Variants in CPNE4 observed in about 807,000 individuals in gnomAD.
The protein encoded by CPNE4 is copine 4, also known as copine-4.
In CPNE4, 25 loss-of-function variants were observed where a neutral mutation model predicts 67.9. The observed-to-expected ratio is 0.37, with a 90% CI of 0.27 to 0.51. The LOEUF is 0.51. Among genes scored for constraint, CPNE4 ranks in the 20% least tolerant of loss-of-function variants. The pLI is 0.93. For synonymous variants in CPNE4, 242 were observed against 244.9 expected (o/e 0.99, Z 0.11); for missense variants, 464 against 690.8 (o/e 0.67, Z 3.68).
chr3:131,664,218 T>C (rs1001386426), intron 7 of CPNE4, among the ~76,000 whole-genome samples: 1 of 152,182 alleles, frequency 6.6e-6, no homozygotes, highest in Non-Finnish European at 1.5e-5. Flanking sequence ...CTAGGCATAA[T>C]TGGGTTATGA....
chr3:131,783,461 G>C (rs566517095), intron 2 of CPNE4, among the ~76,000 whole-genome samples: 2 of 152,216 alleles, frequency 1.3e-5, no homozygotes, highest in Admixed American at 1.3e-4. Flanking sequence ...TTTGACTTAG[G>C]TTAAAGTAGA....
At chr3:131,829,146 A>G (rs2085276956) in intron 2 of CPNE4, among the ~76,000 whole-genome samples, 2 of 152,160 alleles carry the variant, frequency 1.3e-5, no homozygotes, top group African/African-American at 4.8e-5. Context: ...CTCATTCACT[A>G]TCACAAGAAT....
chr3:131,843,539 G>A (rs1380510123), intron 2 of CPNE4, among the ~76,000 whole-genome samples: 2 of 152,198 alleles, frequency 1.3e-5, no homozygotes, highest in African/African-American at 2.4e-5. Context: ...ATGAAGTAAC[G>A]TGTGTTGACA....
intron 9 of CPNE4, among the ~76,000 whole-genome samples, chr3:131,579,772 A>G (rs1447837272): frequency 6.6e-6 from 1 of 152,228 alleles, no homozygotes; most frequent in Non-Finnish European, 1.5e-5. Context: ...CTGAATTGCC[A>G]CAACTGATAA....
chr3:131,923,764 C>G (rs1467129755), intron 1 of CPNE4, among the ~76,000 whole-genome samples: 2 of 139,392 alleles, frequency 1.4e-5, no homozygotes, highest in Non-Finnish European at 3.2e-5. Flanking sequence ...CCAACAGAAC[C>G]AAAGAGGGGT....
chr3:131,929,196 CAAAAAAA>C (rs57462900), intron 1 of CPNE4, among the ~76,000 whole-genome samples: 108 of 98,840 alleles, frequency 1.1e-3, no homozygotes, highest in African/African-American at 3.0e-3. Flanking sequence ...TTGTCCTCAC[CAAAAAAA>C]AAAAAAAAAA....
intron 2 of CPNE4, among the ~76,000 whole-genome samples, chr3:131,824,220 A>G (rs543476744): frequency 6.6e-6 from 1 of 151,940 alleles, no homozygotes; most frequent in Non-Finnish European, 1.5e-5. Flanking sequence ...CTGTGATTCC[A>G]TGATTCTATG....
At chr3:131,788,347 A>G (rs2083621075) in intron 2 of CPNE4, among the ~76,000 whole-genome samples, 1 of 152,158 alleles carries the variant, frequency 6.6e-6, no homozygotes. Flanking sequence ...AAAATGGCAA[A>G]TGATATTGAA....
intron 7 of CPNE4, among the ~76,000 whole-genome samples, chr3:131,628,099 C>T (rs917805985): frequency 3.9e-5 from 6 of 152,138 alleles, no homozygotes; most frequent in Admixed American, 6.5e-5. Flanking sequence ...AAAGAGTCAA[C>T]GGGGCAAACG....
Position 131,578,135 on chromosome 3 carries a change from T to G in CPNE4, c.868-3005A>C, listed in dbSNP as rs565277050. On this transcript the variant is annotated intron_variant, in intron 9 of 15. Transcript: ENST00000429747. Reference sequence around the variant, plus strand: ...TACAGATTGAAGGTTTCTGACAACATTGCATTGAGCAATACTATTGGTGCC... The same window carrying G: ...TACAGATTGAAGGTTTCTGACAACAGTGCATTGAGCAATACTATTGGTGCC... Among the ~76,000 whole-genome samples, 4 of 152,294 alleles carry G rather than the reference T, an allele frequency of 2.6e-5. No individual in the cohort carries two copies. The South Asian group carries it at 8.3e-4, about 32-fold the overall frequency.
In CPNE4 at chr3:131,650,744, C is replaced by CAAAAA. The variant is rs141219633; in HGVS notation, c.681+18926_681+18930dup. ...TGGGGGACAGAGCAAGACTCCGTCT[C>CAAAAA]AAAAAAAAAAAAAAAAAAAAAAAAA... On this transcript the variant is annotated intron_variant, in intron 7 of 15. Transcript: ENST00000429747. 2.2e-3 allele frequency among the ~76,000 whole-genome samples: 136 copies of CAAAAA among 61,192 alleles called. 7 individuals carry two copies. The highest frequency in any genetic ancestry group is 0.011 in the African/African-American group (125 of 11,520). The allele number at this position is 61,192 out of a possible 152,430, so 40.1% of individuals were successfully genotyped here.
intron 2 of CPNE4, among the ~76,000 whole-genome samples, chr3:131,879,033 A>G (rs758680437): frequency 3.3e-5 from 5 of 152,220 alleles, no homozygotes; most frequent in Non-Finnish European, 7.3e-5. Context: ...GCTGTCTCCT[A>G]TTGCATTGAT....
In CPNE4 at chr3:131,674,661, A is replaced by G. The variant is rs138580568; in HGVS notation, c.592-4897T>C. On this transcript the variant is annotated intron_variant, in intron 6 of 15. Transcript: ENST00000429747. ...CCACTAATTTTCTGCAGTATTTGTTATAATGTCTTCAGATTTAATTTTATT... is the reference window on the plus strand; with the variant it reads ...CCACTAATTTTCTGCAGTATTTGTTGTAATGTCTTCAGATTTAATTTTATT... Among the ~76,000 whole-genome samples the G allele has an allele frequency of 2.6e-4, 40 of 151,992 alleles. No individual in the cohort carries two copies. In the East Asian group the frequency reaches 7.3e-3, roughly 28 times the overall value.
intron 2 of CPNE4, among the ~76,000 whole-genome samples, chr3:131,827,425 C>T (rs2085206619): frequency 6.6e-6 from 1 of 151,978 alleles, no homozygotes; most frequent in African/African-American, 2.4e-5. Context: ...GACTCACCTG[C>T]AGTGGTAGCC....
At chr3:131,887,851 T>C (rs775915389) in intron 2 of CPNE4, among the ~76,000 whole-genome samples, 12 of 152,186 alleles carry the variant, frequency 7.9e-5, no homozygotes, top group Non-Finnish European at 1.5e-4. Flanking sequence ...TTTCCAGGTA[T>C]AGTCCATGGT....
chr3:131,896,983 A>G (rs1166177536), intron 2 of CPNE4, among the ~76,000 whole-genome samples: 1 of 152,136 alleles, frequency 6.6e-6, no homozygotes, highest in Non-Finnish European at 1.5e-5. Flanking sequence ...TAAATGCTGG[A>G]TACAAAAGAA....
intron 1 of CPNE4, among the ~76,000 whole-genome samples, chr3:131,925,175 CTCTCA>C (rs937567947): frequency 6.6e-6 from 1 of 151,530 alleles, no homozygotes; most frequent in Non-Finnish European, 1.5e-5. Context: ...CTCTCTCTCT[CTCTCA>C]TAATTTTGTA....
At chr3:131,554,172 T>C (rs930075568) in intron 12 of CPNE4, among the ~76,000 whole-genome samples, 1 of 152,042 alleles carries the variant, frequency 6.6e-6, no homozygotes, top group Non-Finnish European at 1.5e-5. Flanking sequence ...CTGATGGCTA[T>C]TGAGCTATTC....
chr3:131,565,395 A>T (rs1455987726), intron 10 of CPNE4, among the ~76,000 whole-genome samples: 1 of 152,022 alleles, frequency 6.6e-6, no homozygotes, highest in Non-Finnish European at 1.5e-5. Flanking sequence ...ATAATGGGAA[A>T]TGTTATTTGT....
Sources: allele counts gnomAD v4.1 joint callset (sites outside exome capture counted in the v4.1 genomes callset), GRCh38; gene constraint gnomAD v4.1.1; transcripts MANE v1.5; gene names NCBI Gene and HGNC (gene_info 2026-07-23, HGNC 2026-07-21).